EYS: variants seen among roughly 807,000 people sequenced by gnomAD.
EYS encodes the protein EGF-like photoreceptor maintenance factor.
Under a neutral mutation model 282.1 loss-of-function variants are expected in EYS, and 250 were observed. That is an observed-to-expected ratio of 0.89 (90% CI 0.80 to 0.98). The LOEUF is 0.98. Among genes scored for constraint, EYS ranks in the 50% least tolerant of loss-of-function variants. EYS has a pLI of 0.00. For missense variants in EYS, 4,016 were observed against 3,709.0 expected, an observed-to-expected ratio of 1.08 and a Z score of -2.15; for synonymous variants, 1,355 against 1,282.9, an observed-to-expected ratio of 1.06 and a Z score of -1.20.
chr6:65,667,561 C>A (rs1378269676), intron 1 of EYS, among the ~76,000 whole-genome samples: 1 of 151,772 alleles, frequency 6.6e-6, no homozygotes, highest in Non-Finnish European at 1.5e-5. Context: ...TTCCCAACTA[C>A]CAAATCAATT....
At chr6:64,128,218 T>C (rs1773848238) in intron 31 of EYS, among the ~76,000 whole-genome samples, 2 of 152,158 alleles carry the variant, frequency 1.3e-5, no homozygotes, top group Admixed American at 1.3e-4. Flanking sequence ...CCTTTGGATG[T>C]TTCAATTGCA....
At chr6:64,804,180 C>T (rs1764355422) in intron 22 of EYS, among the ~76,000 whole-genome samples, 3 of 152,138 alleles carry the variant, frequency 2.0e-5, no homozygotes, top group Admixed American at 2.0e-4. Context: ...TCAAATTTTG[C>T]TTTGAGACAG....
In EYS at chr6:64,372,130, G is replaced by GTTTTTTTTTTTTTTTTTTTTTT. The variant is rs201498090; in HGVS notation, c.6078+16538_6078+16559dup. 2.9e-4 allele frequency among the ~76,000 whole-genome samples: 28 copies of GTTTTTTTTTTTTTTTTTTTTTT among 97,700 alleles called. 1 individual carries two copies. Among genetic ancestry groups the GTTTTTTTTTTTTTTTTTTTTTT allele is most frequent in the Middle Eastern group, 6.8e-3 (1 of 146 alleles). 64.1% of individuals were successfully genotyped at this position (97,700 alleles called of 152,430 possible). A position where few individuals can be genotyped will look rare whatever the true frequency, so the allele number is the denominator to read the frequency against. On this transcript the variant is annotated intron_variant, in intron 29 of 42. Transcript: ENST00000503581. Reference sequence around the variant, plus strand: ...TAGCATCACTGGTCTGTATACTTGTGTTTTTTTTTTTTTTTTTTTTTTTTT... The same window carrying GTTTTTTTTTTTTTTTTTTTTTT: ...TAGCATCACTGGTCTGTATACTTGTGTTTTTTTTTTTTTTTTTTTTTTTTTTTTTTTTTTTTTTTTTTTTTTT...
intron 33 of EYS, among the ~76,000 whole-genome samples, chr6:64,043,981 C>G (rs9362410): frequency 6.6e-6 from 1 of 151,994 alleles, no homozygotes; most frequent in Non-Finnish European, 1.5e-5. Flanking sequence ...AGGAACTTTT[C>G]ATGAAAACCT....
At chr6:65,251,000 AT>A (rs375305795) in intron 12 of EYS, among the ~76,000 whole-genome samples, 57 of 151,058 alleles carry the variant, frequency 3.8e-4, no homozygotes, top group Non-Finnish European at 6.9e-4. Context: ...TATGAAAAAA[AT>A]ATCCGGAAAA....
At chr6:65,679,269 T>C (rs1768735078) in intron 1 of EYS, among the ~76,000 whole-genome samples, 1 of 151,906 alleles carries the variant, frequency 6.6e-6, no homozygotes, top group African/African-American at 2.4e-5. Context: ...CACTGACAGA[T>C]GAATGTTTAA....
chr6:65,262,956 G>A (rs991253308), intron 12 of EYS, among the ~76,000 whole-genome samples: 22 of 152,022 alleles, frequency 1.4e-4, no homozygotes, highest in Admixed American at 3.3e-4. Context: ...TGTATAACTC[G>A]GGTCTGTTAT....
chr6:64,284,368 G>T (rs1170026270), intron 30 of EYS, among the ~76,000 whole-genome samples: 2 of 152,158 alleles, frequency 1.3e-5, no homozygotes, highest in African/African-American at 2.4e-5. Flanking sequence ...TCACATCCAG[G>T]TCATGCTGAT....
At chr6:63,950,865 G>A (rs988298973) in intron 35 of EYS, among the ~76,000 whole-genome samples, 1 of 152,008 alleles carries the variant, frequency 6.6e-6, no homozygotes, top group African/African-American at 2.4e-5. Context: ...TTTTCTGGTA[G>A]AGACAGAGGA....
chr6:65,471,302 G>A lies in EYS; in HGVS notation c.862+19292C>T, dbSNP rs982528030. ...GTCCCAGCTACTCAATGGCTGAAGTGGGAGGATTACTTAAGCCCAGGAGGT... is the reference window on the plus strand; with the variant it reads ...GTCCCAGCTACTCAATGGCTGAAGTAGGAGGATTACTTAAGCCCAGGAGGT... On this transcript the variant is annotated intron_variant, in intron 5 of 42. Transcript: ENST00000503581. Among the ~76,000 whole-genome samples, 7 of 151,398 alleles carry A rather than the reference G, an allele frequency of 4.6e-5. No homozygotes were observed. In the Admixed American group the frequency reaches 4.6e-4, roughly 10 times the overall value.
intron 34 of EYS, among the ~76,000 whole-genome samples, chr6:63,987,465 C>T (rs1255936670): frequency 1.3e-5 from 2 of 151,586 alleles, no homozygotes; most frequent in Admixed American, 6.6e-5. Flanking sequence ...TTCTACTTTC[C>T]CACCCTCAGC....
At chr6:65,426,700 C>A (rs1582276165) in intron 5 of EYS, among the ~76,000 whole-genome samples, 1 of 152,052 alleles carries the variant, frequency 6.6e-6, no homozygotes, top group African/African-American at 2.4e-5. Flanking sequence ...TGAGACTTTT[C>A]TTTTACTATA....
chr6:64,930,461 TAAAAAAA>T lies in EYS; in HGVS notation c.2381+15325_2381+15331del, dbSNP rs55650031. Among the ~76,000 whole-genome samples the T allele has an allele frequency of 1.4e-3, 174 of 123,012 alleles. 1 individual carries two copies. The highest frequency in any genetic ancestry group is 4.9e-3 in the African/African-American group (163 of 33,528). 80.7% of individuals were successfully genotyped at this position (123,012 alleles called of 152,430 possible). A position where few individuals can be genotyped will look rare whatever the true frequency, so the allele number is the denominator to read the frequency against. On this transcript the variant is annotated intron_variant, in intron 15 of 42. Coordinates refer to ENST00000503581, the MANE Select transcript of EYS (RefSeq NM_001142800.2). ...TTAGGACTTCTATGCATAAATAAGG[TAAAAAAA>T]AAAAAAAAAAAAAAGCAAAACAATA...
intron 29 of EYS, among the ~76,000 whole-genome samples, chr6:64,345,139 G>A (rs559958375): frequency 3.3e-5 from 5 of 152,086 alleles, no homozygotes; most frequent in Non-Finnish European, 5.9e-5. Flanking sequence ...GTAATTTATA[G>A]ATTCAATGCC....
chr6:64,095,546 A>C (rs1211327769), intron 31 of EYS, among the ~76,000 whole-genome samples: 1 of 151,994 alleles, frequency 6.6e-6, no homozygotes, highest in Non-Finnish European at 1.5e-5. Flanking sequence ...GTTGGTTTAA[A>C]GTCTGTTTTA....
intron 19 of EYS, among the ~76,000 whole-genome samples, chr6:64,862,569 T>C (rs1766282912): frequency 6.6e-6 from 1 of 152,182 alleles, no homozygotes; most frequent in Admixed American, 6.5e-5. Context: ...ATATATTAAT[T>C]ATAGTTATTC....
At chr6:64,811,533 C>G (rs571173960) in intron 22 of EYS, among the ~76,000 whole-genome samples, 2 of 152,112 alleles carry the variant, frequency 1.3e-5, no homozygotes, top group African/African-American at 2.4e-5. Context: ...CATGTTGGAA[C>G]CTTAGTGCAG....
intron 2 of EYS, among the ~76,000 whole-genome samples, chr6:65,585,935 C>G (rs994121654): frequency 6.6e-6 from 1 of 151,916 alleles, no homozygotes; most frequent in African/African-American, 2.4e-5. Context: ...GTAATTGTGG[C>G]TTTTACCATT....
intron 11 of EYS, among the ~76,000 whole-genome samples, chr6:65,300,370 G>A (rs1768784215): frequency 6.6e-6 from 1 of 151,996 alleles, no homozygotes; most frequent in African/African-American, 2.4e-5. Flanking sequence ...ATTATTTTTA[G>A]GTTAGACCTC....
Sources: allele counts gnomAD v4.1 joint callset (sites outside exome capture counted in the v4.1 genomes callset), GRCh38; gene constraint gnomAD v4.1.1; transcripts MANE v1.5; gene names NCBI Gene and HGNC (gene_info 2026-07-23, HGNC 2026-07-21).